Variants in RBFOX1 observed in about 807,000 individuals in gnomAD.
RBFOX1 encodes the protein RNA binding protein fox-1 homolog 1.
In RBFOX1, 8 loss-of-function variants were observed where a neutral mutation model predicts 57.7. That is an observed-to-expected ratio of 0.14 (90% CI 0.08 to 0.25). The LOEUF (loss-of-function observed/expected upper bound fraction) is 0.25. Ranked by LOEUF, RBFOX1 falls within the 10% of genes least tolerant of loss-of-function variation. The pLI is 1.00. For synonymous variants in RBFOX1, 326 were observed against 222.4 expected (o/e 1.47, Z -4.15); for missense variants, 611 against 548.5 (o/e 1.11, Z -1.14).
At chr16:6,244,581 G>T (rs1001349651) in intron 1 of RBFOX1, among the ~76,000 whole-genome samples, 1 of 152,174 alleles carries the variant, frequency 6.6e-6, no homozygotes, top group Non-Finnish European at 1.5e-5. Context: ...TCAGCTCACT[G>T]CAATGTTCGC....
chr16:6,422,878 G>C (rs1054583975), intron 2 of RBFOX1, among the ~76,000 whole-genome samples: 1 of 152,144 alleles, frequency 6.6e-6, no homozygotes, highest in Non-Finnish European at 1.5e-5. Context: ...CATGTCAAAT[G>C]CTTAGCTCCT....
At chr16:5,762,356 GAA>G (rs35715399) in intron 3 of RBFOX1, among the ~76,000 whole-genome samples, 20,391 of 145,714 alleles carry the variant, frequency 0.14, 1,587 homozygotes, top group African/African-American at 0.21. Flanking sequence ...CGAACAAAAA[GAA>G]AAAAAAAAAA....
chr16:5,676,264 AT>A (rs1453778912), intron 3 of RBFOX1, among the ~76,000 whole-genome samples: 1 of 151,318 alleles, frequency 6.6e-6, no homozygotes, highest in Non-Finnish European at 1.5e-5. Context: ...AAAAAAAAAA[AT>A]AAAGGAAAAC....
chr16:7,517,374 A>G (rs1030077982), intron 4 of RBFOX1, among the ~76,000 whole-genome samples: 7 of 152,152 alleles, frequency 4.6e-5, no homozygotes, highest in Admixed American at 3.3e-4. Context: ...TCATAAAAAA[A>G]TAAGGCAGGG....
chr16:6,814,848 A>G (rs185784047), intron 3 of RBFOX1, among the ~76,000 whole-genome samples: 2 of 152,296 alleles, frequency 1.3e-5, no homozygotes, highest in Non-Finnish European at 2.9e-5. Flanking sequence ...GTCCTGATCC[A>G]GACGCCAAGA....
intron 3 of RBFOX1, among the ~76,000 whole-genome samples, chr16:5,750,897 A>C (rs940570122): frequency 6.6e-6 from 1 of 152,222 alleles, no homozygotes; most frequent in African/African-American, 2.4e-5. Context: ...GACAAGCCCC[A>C]GTGAGATGAA....
chr16:6,866,307 T>C (rs1368578984), intron 3 of RBFOX1, among the ~76,000 whole-genome samples: 1 of 152,040 alleles, frequency 6.6e-6, no homozygotes, highest in East Asian at 1.9e-4. Context: ...GCTTTAAGTT[T>C]CAAGCTATGA....
intron 4 of RBFOX1, among the ~76,000 whole-genome samples, chr16:7,489,981 G>C (rs926909012): frequency 1.3e-5 from 2 of 152,112 alleles, no homozygotes; most frequent in Non-Finnish European, 2.9e-5. Context: ...CTTCAGATGT[G>C]TCTCTCTCCA....
intron 4 of RBFOX1, among the ~76,000 whole-genome samples, chr16:5,936,104 C>G (rs968543094): frequency 6.6e-6 from 1 of 151,972 alleles, no homozygotes; most frequent in African/African-American, 2.4e-5. Flanking sequence ...GCATCATAAA[C>G]CTTCCTAGGG....
intron 4 of RBFOX1, among the ~76,000 whole-genome samples, chr16:7,171,157 C>G (rs2080616993): frequency 6.6e-6 from 1 of 152,200 alleles, no homozygotes; most frequent in Non-Finnish European, 1.5e-5. Context: ...GCCACCATTG[C>G]CAGTCGGCAA....
intron 1 of RBFOX1, among the ~76,000 whole-genome samples, chr16:6,248,421 C>G (rs1206951804): frequency 2.0e-5 from 3 of 152,116 alleles, no homozygotes; most frequent in Non-Finnish European, 4.4e-5. Context: ...CTAAAGATCT[C>G]TTTTAGCCAT....
intron 1 of RBFOX1, among the ~76,000 whole-genome samples, chr16:5,446,127 A>G (rs544310011): frequency 1.3e-5 from 2 of 152,340 alleles, no homozygotes; most frequent in South Asian, 4.1e-4. Context: ...GGAATGAAGG[A>G]AGACAAATTT....
At chr16:5,877,482 T>C (rs2151912332) in intron 4 of RBFOX1, among the ~76,000 whole-genome samples, 1 of 152,332 alleles carries the variant, frequency 6.6e-6, no homozygotes, top group South Asian at 2.1e-4. Flanking sequence ...TCAGATGAGA[T>C]GGGTCTTCCT....
At chr16:6,841,947 G>T (rs894227608) in intron 3 of RBFOX1, among the ~76,000 whole-genome samples, 1 of 150,834 alleles carries the variant, frequency 6.6e-6, no homozygotes, top group Non-Finnish European at 1.5e-5. Flanking sequence ...GACCATCCTG[G>T]CTAATACGGT....
intron 3 of RBFOX1, among the ~76,000 whole-genome samples, chr16:6,935,833 G>A (rs1055614371): frequency 2.6e-5 from 4 of 152,122 alleles, no homozygotes; most frequent in Admixed American, 6.6e-5. Context: ...GAGTTTATCC[G>A]GGGCCAGGAT....
At chr16:6,726,254 TTGAATTCATTG>T (rs2067142647) in intron 3 of RBFOX1, among the ~76,000 whole-genome samples, 1 of 152,206 alleles carries the variant, frequency 6.6e-6, no homozygotes, top group Admixed American at 6.5e-5. Flanking sequence ...AGGGAAATTT[TTGAATTCATTG>T]TGACTCTGGT....
intron 4 of RBFOX1, among the ~76,000 whole-genome samples, chr16:7,488,599 C>T (rs12447971): frequency 0.36 from 54,505 of 151,964 alleles, 12,152 homozygotes; most frequent in Non-Finnish European, 0.51. Flanking sequence ...TCTATCTATA[C>T]GTTCATCCGT....
chr16:6,419,757 C>G (rs1255795538), intron 2 of RBFOX1, among the ~76,000 whole-genome samples: 1 of 152,150 alleles, frequency 6.6e-6, no homozygotes, highest in African/African-American at 2.4e-5. Flanking sequence ...AGCACACACA[C>G]CGCAATTTTT....
intron 1 of RBFOX1, among the ~76,000 whole-genome samples, chr16:5,441,599 A>C (rs2068086084): frequency 6.6e-6 from 1 of 152,098 alleles, no homozygotes. Context: ...TCCTGGCCTT[A>C]AGTGATTCAC....
Sources: allele counts gnomAD v4.1 joint callset (sites outside exome capture counted in the v4.1 genomes callset), GRCh38; gene constraint gnomAD v4.1.1; transcripts MANE v1.5; gene names NCBI Gene and HGNC (gene_info 2026-07-23, HGNC 2026-07-21).